Variants in KCNIP4 observed in about 807,000 individuals in gnomAD.
KCNIP4 encodes potassium voltage-gated channel interacting protein 4, also known as Kv channel-interacting protein 4.
Under a neutral mutation model 34.0 loss-of-function variants are expected in KCNIP4, and 12 were observed. That is an observed-to-expected ratio of 0.35 (90% CI 0.23 to 0.57). The LOEUF (loss-of-function observed/expected upper bound fraction) is 0.57, where lower values mean the gene tolerates loss of function less well. Ranked by LOEUF, KCNIP4 falls within the 20% of genes least tolerant of loss-of-function variation. The pLI, the probability that KCNIP4 is intolerant of heterozygous loss-of-function variation, is 0.83. For missense variants in KCNIP4, 238 were observed against 311.7 expected (o/e 0.76, Z 1.78); for synonymous variants, 124 against 102.2 (o/e 1.21, Z -1.29).
intron 1 of KCNIP4, among the ~76,000 whole-genome samples, chr4:21,552,382 A>C (rs2109017713): frequency 6.6e-6 from 1 of 152,280 alleles, no homozygotes. Context: ...GTAATGAAAG[A>C]TATTAGTCTT....
chr4:20,902,918 A>C (rs1433511726), intron 1 of KCNIP4, among the ~76,000 whole-genome samples: 1 of 152,242 alleles, frequency 6.6e-6, no homozygotes, highest in Non-Finnish European at 1.5e-5. Flanking sequence ...TTTTGTTCTG[A>C]GTGAAACAAG....
intron 1 of KCNIP4, among the ~76,000 whole-genome samples, chr4:21,627,221 A>G (rs1745404207): frequency 6.6e-6 from 1 of 152,110 alleles, no homozygotes; most frequent in South Asian, 2.1e-4. Flanking sequence ...AGACCTTTTC[A>G]GATTTCTACA....
chr4:21,229,776 T>G (rs190265738), intron 1 of KCNIP4, among the ~76,000 whole-genome samples: 21 of 152,238 alleles, frequency 1.4e-4, no homozygotes, highest in African/African-American at 5.1e-4. Flanking sequence ...GCTACCTGAT[T>G]GCTATTCTAT....
chr4:21,198,572 A>G (rs1329063620), intron 1 of KCNIP4, among the ~76,000 whole-genome samples: 2 of 152,174 alleles, frequency 1.3e-5, no homozygotes, highest in African/African-American at 4.8e-5. Context: ...TCCTGTATGC[A>G]AGTCTTTAGA....
At chr4:21,237,973 A>G (rs577770094) in intron 1 of KCNIP4, among the ~76,000 whole-genome samples, 4 of 152,308 alleles carry the variant, frequency 2.6e-5, no homozygotes, top group Non-Finnish European at 5.9e-5. Context: ...TGATGCAAAA[A>G]TCCTCAATAA....
chr4:21,835,893 TA>T (rs1034465332), intron 1 of KCNIP4, among the ~76,000 whole-genome samples: 51 of 152,070 alleles, frequency 3.4e-4, no homozygotes, highest in African/African-American at 1.1e-3. Context: ...AGGACTGACC[TA>T]AAAAAAATAT....
chr4:21,322,988 T>C (rs1431342033), intron 1 of KCNIP4, among the ~76,000 whole-genome samples: 2 of 151,938 alleles, frequency 1.3e-5, no homozygotes, highest in Admixed American at 6.6e-5. Flanking sequence ...TTGTGCAGAA[T>C]TGAATTAAAG....
At chr4:21,011,926 G>T (rs117629969) in intron 1 of KCNIP4, among the ~76,000 whole-genome samples, 1 of 152,322 alleles carries the variant, frequency 6.6e-6, no homozygotes, top group East Asian at 1.9e-4. Flanking sequence ...CAAGTTGGAT[G>T]AATTGTCTCC....
intron 1 of KCNIP4, among the ~76,000 whole-genome samples, chr4:21,417,063 C>T (rs1204148373): frequency 6.6e-6 from 1 of 152,182 alleles, no homozygotes; most frequent in African/African-American, 2.4e-5. Flanking sequence ...GCAGCCTCCA[C>T]TCTTGGAAAA....
chr4:20,869,239 A>T (rs1012917689), intron 2 of KCNIP4, among the ~76,000 whole-genome samples: 10 of 152,030 alleles, frequency 6.6e-5, no homozygotes, highest in Admixed American at 2.6e-4. Context: ...ATCTATGTTT[A>T]AAAAAGCTAT....
chr4:21,148,384 A>G (rs1165972672), intron 1 of KCNIP4, among the ~76,000 whole-genome samples: 8 of 152,318 alleles, frequency 5.3e-5, no homozygotes. Context: ...AATATGGAAT[A>G]CTGACACTAC....
At chr4:21,608,593 GA>G (rs1318133868) in intron 1 of KCNIP4, among the ~76,000 whole-genome samples, 1 of 152,128 alleles carries the variant, frequency 6.6e-6, no homozygotes, top group Non-Finnish European at 1.5e-5. Context: ...GGGCCTCCAG[GA>G]TAATCTCCCC....
chr4:21,260,155 GTCTT>G (rs1761375218), intron 1 of KCNIP4, among the ~76,000 whole-genome samples: 1 of 150,852 alleles, frequency 6.6e-6, no homozygotes, highest in Admixed American at 6.7e-5. Context: ...AGCGTTTATG[GTCTT>G]TCTATTTAGG....
At chr4:21,425,259 A>T (rs1453903942) in intron 1 of KCNIP4, among the ~76,000 whole-genome samples, 2 of 152,232 alleles carry the variant, frequency 1.3e-5, no homozygotes, top group African/African-American at 2.4e-5. Context: ...AATCAATATT[A>T]TGAGAGATTA....
intron 1 of KCNIP4, among the ~76,000 whole-genome samples, chr4:21,018,244 G>A (rs1258214213): frequency 6.6e-6 from 1 of 152,046 alleles, no homozygotes; most frequent in African/African-American, 2.4e-5. Context: ...GCTCCTTGAC[G>A]TTTGTCAAGC....
At chr4:21,352,982 C>A (rs564181554) in intron 1 of KCNIP4, among the ~76,000 whole-genome samples, 3 of 152,276 alleles carry the variant, frequency 2.0e-5, no homozygotes, top group African/African-American at 7.2e-5. Context: ...CTGTAGCCTC[C>A]TCTGGTGATA....
chr4:20,901,852 A>G (rs1727187004), intron 1 of KCNIP4, among the ~76,000 whole-genome samples: 1 of 152,162 alleles, frequency 6.6e-6, no homozygotes, highest in Non-Finnish European at 1.5e-5. Flanking sequence ...TTTAAGTATG[A>G]CATGAAACAG....
At position 20,731,980 on chromosome 4, in the gene KCNIP4, A is replaced by C. The variant is rs753817914; in HGVS notation, c.705+26T>G. Reference sequence around the variant, plus strand: ...TTTAGCTGTTATGATAGCTGAATTGATAGTTATTACACTTTCATTACTTAC... The same window carrying C: ...TTTAGCTGTTATGATAGCTGAATTGCTAGTTATTACACTTTCATTACTTAC... On this transcript the variant is annotated intron_variant, in intron 8 of 8. Transcript: ENST00000382152. The C allele has an allele frequency of 5.0e-6, 8 of 1,612,358 alleles. No homozygotes were observed. The African/African-American group carries it at 1.1e-4, about 22-fold the overall frequency.
chr4:21,323,816 A>T (rs753128906), intron 1 of KCNIP4, among the ~76,000 whole-genome samples: 37 of 152,020 alleles, frequency 2.4e-4, no homozygotes, highest in Non-Finnish European at 5.3e-4. Flanking sequence ...TTTTTGAGGA[A>T]TCATCAAACT....
Sources: allele counts gnomAD v4.1 joint callset (sites outside exome capture counted in the v4.1 genomes callset), GRCh38; gene constraint gnomAD v4.1.1; transcripts MANE v1.5; gene names NCBI Gene and HGNC (gene_info 2026-07-23, HGNC 2026-07-21).